The following MCC variants were observed in gnomAD, a reference collection of about 807,000 sequenced individuals.
The protein encoded by MCC is MCC regulator of Wnt signaling pathway.
Under a neutral mutation model 116.2 loss-of-function variants are expected in MCC, and 90 were observed. The ratio of observed to expected loss-of-function variants is 0.77; its 90% CI spans 0.65 to 0.92. The LOEUF (loss-of-function observed/expected upper bound fraction) is 0.92, where lower values mean the gene tolerates loss of function less well. Among genes scored for constraint, MCC ranks in the 40% least tolerant of loss-of-function variants. MCC has a pLI of 0.00. For missense variants in MCC, 1,516 were observed against 1,312.2 expected (o/e 1.16, Z -2.40); for synonymous variants, 578 against 510.5 (o/e 1.13, Z -1.78).
intron 3 of MCC, among the ~76,000 whole-genome samples, chr5:113,279,095 ACTT>A (rs1243711661): frequency 6.6e-6 from 1 of 152,190 alleles, no homozygotes; most frequent in African/African-American, 2.4e-5. Flanking sequence ...GAAAAGGTTA[ACTT>A]CTTTTCTGAG....
chr5:113,370,578 C>T (rs1768813972), intron 2 of MCC, among the ~76,000 whole-genome samples: 1 of 152,200 alleles, frequency 6.6e-6, no homozygotes, highest in Non-Finnish European at 1.5e-5. Flanking sequence ...ATCTCCTCCT[C>T]TACTGAGTTA....
Position 113,232,352 on chromosome 5 carries a change from C to T in MCC, c.628-80930G>A, listed in dbSNP as rs79096458. 8.6e-3 allele frequency among the ~76,000 whole-genome samples: 1,305 copies of T among 152,200 alleles called. 21 individuals carry two copies. Among genetic ancestry groups the T allele is most frequent in the African/African-American group, 0.03 (1,251 of 41,524 alleles). The stretch of plus-strand genomic sequence containing the variant: ...GGATTTCAGTGGGTGAATGAGGAGT[C>T]CAGTTACATAATTTTGGAATCAATC... On this transcript the variant is annotated intron_variant, in intron 3 of 18. Coordinates refer to ENST00000408903, the MANE Select transcript of MCC (RefSeq NM_001085377.2).
chr5:113,164,280 T>C (rs1308794371), intron 3 of MCC, among the ~76,000 whole-genome samples: 1 of 152,258 alleles, frequency 6.6e-6, no homozygotes, highest in Non-Finnish European at 1.5e-5. Flanking sequence ...CACTGTTGGA[T>C]AGCTACTGGC....
chr5:113,037,250 A>G (rs1282448457), intron 17 of MCC, among the ~76,000 whole-genome samples: 1 of 152,122 alleles, frequency 6.6e-6, no homozygotes, highest in Non-Finnish European at 1.5e-5. Flanking sequence ...CCATTCAGGG[A>G]CAAATGTTGG....
intron 1 of MCC, among the ~76,000 whole-genome samples, chr5:113,406,997 C>G (rs763275395): frequency 6.6e-6 from 1 of 152,088 alleles, no homozygotes; most frequent in Non-Finnish European, 1.5e-5. Flanking sequence ...TTAGTGAGAA[C>G]AGATGCAGCC....
At chr5:113,266,986 C>T (rs1249178445) in intron 3 of MCC, among the ~76,000 whole-genome samples, 3 of 152,084 alleles carry the variant, frequency 2.0e-5, no homozygotes, top group African/African-American at 4.8e-5. Flanking sequence ...AGCATGTGGC[C>T]TCGGGCAAAT....
At chr5:113,239,929 AC>A (rs1764299229) in intron 3 of MCC, among the ~76,000 whole-genome samples, 3 of 152,194 alleles carry the variant, frequency 2.0e-5, no homozygotes, top group African/African-American at 7.2e-5. Flanking sequence ...GAGTCTCCAC[AC>A]AGAGCTCAGG....
At chr5:113,429,080 T>A (rs1178278614) in intron 1 of MCC, among the ~76,000 whole-genome samples, 2 of 152,172 alleles carry the variant, frequency 1.3e-5, no homozygotes, top group Admixed American at 6.5e-5. Flanking sequence ...GACAAAAACT[T>A]TACATATACT....
chr5:113,396,106 T>C (rs957534897), intron 1 of MCC, among the ~76,000 whole-genome samples: 9 of 152,092 alleles, frequency 5.9e-5, no homozygotes, highest in Admixed American at 1.3e-4. Flanking sequence ...GGCAGGAGGA[T>C]TGCTTGAGCT....
chr5:113,051,005 CTG>C (rs758664884), intron 15 of MCC, among the ~76,000 whole-genome samples: 6 of 152,222 alleles, frequency 3.9e-5, no homozygotes, highest in Non-Finnish European at 5.9e-5. Context: ...CTCTCAGGCT[CTG>C]TGTGGGAAAA....
intron 3 of MCC, among the ~76,000 whole-genome samples, chr5:113,339,161 G>C (rs11748503): frequency 6.6e-6 from 1 of 151,072 alleles, no homozygotes; most frequent in African/African-American, 2.4e-5. Flanking sequence ...GGAAGGCGGA[G>C]GTTGCAGTGA....
intron 1 of MCC, among the ~76,000 whole-genome samples, chr5:113,471,903 G>C (rs140286209): frequency 6.6e-6 from 1 of 151,774 alleles, no homozygotes; most frequent in African/African-American, 2.4e-5. Context: ...CTTGCAGTTT[G>C]ATCTCAGACT....
chr5:113,026,903 A>G lies in MCC; in HGVS notation c.*399T>C, dbSNP rs1190660377. 3 of 165,910 alleles carry G rather than the reference A, an allele frequency of 1.8e-5. No homozygotes were observed. Among genetic ancestry groups the G allele is most frequent in the Non-Finnish European group, 1.3e-5 (1 of 77,606 alleles). 10.3% of individuals were successfully genotyped at this position (165,910 alleles called of 1,614,324 possible). On this transcript the variant is annotated 3_prime_UTR_variant, in exon 19 of 19. Coordinates refer to ENST00000408903, the MANE Select transcript of MCC (RefSeq NM_001085377.2). ...GAGGAAAGAGGAGAAACGAGATTCT[A>G]GAAGATGAGCCCAGCATCTACCAAA...
intron 3 of MCC, chr5:113,269,275 A>G: frequency 5.7e-6 from 5 of 873,454 alleles, no homozygotes; most frequent in Non-Finnish European, 6.9e-6. Flanking sequence ...ACTCTACTGC[A>G]GGGAACCAGA....
intron 8 of MCC, among the ~76,000 whole-genome samples, chr5:113,092,158 T>C (rs891702536): frequency 6.6e-6 from 1 of 151,822 alleles, no homozygotes; most frequent in Admixed American, 6.6e-5. Flanking sequence ...CCGAGAAATG[T>C]AAATGTAGCC....
intron 17 of MCC, among the ~76,000 whole-genome samples, chr5:113,039,870 C>A (rs1257954004): frequency 6.6e-6 from 1 of 152,090 alleles, no homozygotes; most frequent in Admixed American, 6.6e-5. Context: ...AAAAAGGAGT[C>A]ATTTCTGAAA....
intron 3 of MCC, among the ~76,000 whole-genome samples, chr5:113,323,832 A>C (rs1234944217): frequency 6.6e-6 from 1 of 152,172 alleles, no homozygotes. Context: ...GTTGTACTGC[A>C]CTATGATCAT....
In MCC at chr5:113,477,307, TAATAAC is replaced by T. The variant is rs1466722273; in HGVS notation, c.170+10932_170+10937del. 2.0e-5 allele frequency among the ~76,000 whole-genome samples: 3 copies of T among 152,158 alleles called. No individual in the cohort carries two copies. The East Asian group carries it at 5.8e-4, about 29-fold the overall frequency. On this transcript the variant is annotated intron_variant, in intron 1 of 18. Transcript: ENST00000408903. Reference sequence around the variant, plus strand: ...TTATTTTTTAAATTATATATAAACTTAATAACAAACAGGGTGCTTCCAAATAGGCAG... The same window carrying T: ...TTATTTTTTAAATTATATATAAACTTAAACAGGGTGCTTCCAAATAGGCAG...
chr5:113,065,923 T>C (rs1753570832), intron 13 of MCC, among the ~76,000 whole-genome samples: 1 of 152,114 alleles, frequency 6.6e-6, no homozygotes. Flanking sequence ...GGAAATGGGG[T>C]GGACCCATTC....
Sources: gnomAD v4.1 joint callset for allele counts (sites outside exome capture counted in the v4.1 genomes callset) on GRCh38, gnomAD v4.1.1 for gene constraint, MANE v1.5 for transcripts, NCBI Gene and HGNC (gene_info 2026-07-23, HGNC 2026-07-21) for gene names.